The following ELF2 variants were observed in gnomAD, a reference collection of about 807,000 sequenced individuals.
ELF2 encodes E74 like ETS transcription factor 2, also known as ETS-related transcription factor Elf-2.
ELF2 carries 11 observed loss-of-function variants against 54.8 expected under a neutral mutation model. That is an observed-to-expected ratio of 0.20 (90% CI 0.13 to 0.33). ELF2 has a LOEUF of 0.33. Among genes scored for constraint, ELF2 ranks in the 10% least tolerant of loss-of-function variants. The pLI is 1.00. For missense variants in ELF2, 513 were observed against 703.0 expected (o/e 0.73, Z 3.06); for synonymous variants, 203 against 245.1 (o/e 0.83, Z 1.61).
Position 139,067,894 on chromosome 4 carries a change from C to A in ELF2, c.527-124G>T, listed in dbSNP as rs189689065. 3.5e-6 allele frequency: 3 copies of A among 862,052 alleles called. No individual in the cohort carries two copies. The African/African-American group carries it at 5.0e-5, about 14-fold the overall frequency. The allele number at this position is 862,052 out of a possible 1,614,324, so 53.4% of individuals were successfully genotyped here. On this transcript the variant is annotated intron_variant, in intron 6 of 9. Transcript: ENST00000686138. Reference sequence around the variant, plus strand: ...ATACTAATTTGTAGATGAATATACTCTATGAAAAGCTGCTTCTAAAAGGAG... The same window carrying A: ...ATACTAATTTGTAGATGAATATACTATATGAAAAGCTGCTTCTAAAAGGAG...
intron 3 of ELF2, among the ~76,000 whole-genome samples, chr4:139,134,021 C>A (rs996520423): frequency 2.6e-5 from 4 of 152,088 alleles, no homozygotes; most frequent in African/African-American, 9.7e-5. Flanking sequence ...GTTGCCAGTG[C>A]AATGTTGAAT....
intron 4 of ELF2, among the ~76,000 whole-genome samples, chr4:139,091,607 C>T (rs1732580238): frequency 6.6e-6 from 1 of 152,134 alleles, no homozygotes; most frequent in Admixed American, 6.6e-5. Context: ...CTTCAGCCTC[C>T]CAAGTAGCTG....
At position 139,137,289 on chromosome 4, in the gene ELF2, T is replaced by C. The variant is rs150149905; in HGVS notation, c.72+341A>G. 1,040 of 224,398 alleles carry C rather than the reference T, an allele frequency of 4.6e-3. 14 individuals carry two copies. The highest frequency in any genetic ancestry group is 0.022 in the African/African-American group (993 of 44,376). The allele number at this position is 224,398 out of a possible 1,614,324, so 13.9% of individuals were successfully genotyped here. ...ATTCTAACTTAGAATGAATCTAATT[T>C]AGGTATTTGGGCATAGTATATACCT... On this transcript the variant is annotated intron_variant, in intron 3 of 9. Coordinates refer to ENST00000686138, the MANE Select transcript of ELF2 (RefSeq NM_001331036.3).
chr4:139,105,435 C>T (rs1734322016), intron 4 of ELF2, among the ~76,000 whole-genome samples: 1 of 152,292 alleles, frequency 6.6e-6, no homozygotes, highest in East Asian at 1.9e-4. Flanking sequence ...CTATTTCATA[C>T]ACCTGAAAGG....
chr4:139,129,062 C>T (rs547288882), intron 3 of ELF2, among the ~76,000 whole-genome samples: 70 of 152,192 alleles, frequency 4.6e-4, no homozygotes, highest in African/African-American at 1.6e-3. Context: ...CCTCAGCCCC[C>T]TGAGTAGCTG....
intron 4 of ELF2, among the ~76,000 whole-genome samples, chr4:139,091,200 G>A (rs563175927): frequency 1.1e-4 from 17 of 152,292 alleles, no homozygotes; most frequent in Middle Eastern, 3.4e-3. Flanking sequence ...AAAATATTGG[G>A]ATTAAAGGCG....
chr4:139,154,141 C>T (rs1740296807), intron 1 of ELF2, among the ~76,000 whole-genome samples: 1 of 152,168 alleles, frequency 6.6e-6, no homozygotes. Flanking sequence ...TGTTACAATA[C>T]TGAAGAGCTA....
chr4:139,140,707 T>C (rs1291247417), intron 1 of ELF2, among the ~76,000 whole-genome samples: 1 of 151,116 alleles, frequency 6.6e-6, no homozygotes, highest in Non-Finnish European at 1.5e-5. Context: ...TGAGCTGTGA[T>C]CCTGCCACTG....
intron 1 of ELF2, among the ~76,000 whole-genome samples, chr4:139,148,364 A>C (rs1739485334): frequency 1.3e-5 from 1 of 79,716 alleles, no homozygotes; most frequent in Non-Finnish European, 2.3e-5. Flanking sequence ...ACAGGGCTTC[A>C]TTATGTTGCC....
At chr4:139,137,438 A>G in intron 3 of ELF2, 192 bp downstream of exon 3, 2 of 610,270 alleles carry the variant, frequency 3.3e-6, no homozygotes, top group Non-Finnish European at 2.9e-6. Flanking sequence ...TGTTCCAACA[A>G]TTCACGTAAG....
intron 3 of ELF2, among the ~76,000 whole-genome samples, chr4:139,129,135 T>A (rs1013856655): frequency 2.6e-5 from 4 of 151,810 alleles, no homozygotes; most frequent in African/African-American, 9.7e-5. Flanking sequence ...ACAGGGTTTC[T>A]TCATGGTGGT....
intron 4 of ELF2, among the ~76,000 whole-genome samples, chr4:139,084,667 A>G (rs1041210621): frequency 6.6e-6 from 1 of 152,160 alleles, no homozygotes; most frequent in Admixed American, 6.5e-5. Context: ...AAAAGTCTGC[A>G]ATTGTCCCCC....
intron 4 of ELF2, among the ~76,000 whole-genome samples, chr4:139,122,689 G>A (rs1177397871): frequency 6.6e-6 from 1 of 151,808 alleles, no homozygotes; most frequent in Non-Finnish European, 1.5e-5. Flanking sequence ...TTTTAGTAGA[G>A]ATGGGATTTC....
intron 4 of ELF2, chr4:139,116,621 A>C: frequency 1.1e-6 from 1 of 946,018 alleles, no homozygotes; most frequent in Non-Finnish European, 1.3e-6. Flanking sequence ...AATTACAAAC[A>C]TTCTTAATAA....
intron 4 of ELF2, among the ~76,000 whole-genome samples, chr4:139,080,284 T>C (rs1730920083): frequency 6.6e-6 from 1 of 152,232 alleles, no homozygotes; most frequent in South Asian, 2.1e-4. Flanking sequence ...TAAATTCATT[T>C]TCAAATGAGC....
chr4:139,121,641 A>G (rs1001756578), intron 4 of ELF2, among the ~76,000 whole-genome samples: 1 of 152,084 alleles, frequency 6.6e-6, no homozygotes, highest in African/African-American at 2.4e-5. Context: ...AGGCCCCTAG[A>G]ACTGATGGAG....
At chr4:139,144,053 T>C (rs1257761580) in intron 1 of ELF2, among the ~76,000 whole-genome samples, 1 of 151,928 alleles carries the variant, frequency 6.6e-6, no homozygotes, top group East Asian at 1.9e-4. Flanking sequence ...ACTCAAACTG[T>C]GAACTTTTTT....
At chr4:139,177,418 G>A (rs964969174), upstream of ELF2, among the ~76,000 whole-genome samples, 3 of 151,844 alleles carry the variant, frequency 2.0e-5, no homozygotes, top group Admixed American at 6.5e-5. Flanking sequence ...GTCAAACGCG[G>A]GCCGGCTATT....
chr4:139,154,925 C>T (rs1054244017), intron 1 of ELF2, among the ~76,000 whole-genome samples: 6 of 152,288 alleles, frequency 3.9e-5, no homozygotes, highest in Middle Eastern at 3.4e-3. Flanking sequence ...TCTACCCACA[C>T]CTTTTAAAAA....
Sources: allele counts gnomAD v4.1 joint callset (sites outside exome capture counted in the v4.1 genomes callset), GRCh38; gene constraint gnomAD v4.1.1; transcripts MANE v1.5; gene names NCBI Gene and HGNC (gene_info 2026-07-23, HGNC 2026-07-21).